ZEB2: variants seen among roughly 807,000 people sequenced by gnomAD.
The protein encoded by ZEB2 is zinc finger E-box binding homeobox 2.
A neutral mutation model predicts 99.9 loss-of-function variants in ZEB2; 6 were observed. The ratio of observed to expected loss-of-function variants is 0.06; its 90% CI spans 0.03 to 0.12. The LOEUF is 0.12. Among genes scored for constraint, ZEB2 ranks in the 10% least tolerant of loss-of-function variants. The probability of loss-of-function intolerance (pLI) is 1.00; values close to 1 mark genes in which losing one functional copy is unlikely to be tolerated. For synonymous variants in ZEB2, 517 were observed against 542.5 expected (o/e 0.95, Z 0.65); for missense variants, 969 against 1,502.8 (o/e 0.64, Z 5.87).
At chr2:144,515,321 A>G (rs1237020475) in intron 2 of ZEB2, among the ~76,000 whole-genome samples, 1 of 152,218 alleles carries the variant, frequency 6.6e-6, no homozygotes, top group Non-Finnish European at 1.5e-5. Context: ...AAAAAGCCCC[A>G]CAACAGACAT....
chr2:144,520,075 G>A lies in ZEB2; in HGVS notation c.-206C>T. 2.2e-6 allele frequency: 1 copy of A among 454,592 alleles called. No homozygotes were observed. The allele number at this position is 454,592 out of a possible 1,614,324, so 28.2% of individuals were successfully genotyped here. A position where few individuals can be genotyped will look rare whatever the true frequency, so the allele number is the denominator to read the frequency against. Reference sequence around the variant, plus strand: ...AAACTGTACAAAAACCTCGCCAAGAGTGTCGGGAGGCAGGACCGTTATTCC... The same window carrying A: ...AAACTGTACAAAAACCTCGCCAAGAATGTCGGGAGGCAGGACCGTTATTCC... On this transcript the variant is annotated 5_prime_UTR_variant, in exon 1 of 10. Transcript: ENST00000627532.
At chr2:144,497,396 G>A (rs890433725) in intron 2 of ZEB2, among the ~76,000 whole-genome samples, 6 of 152,132 alleles carry the variant, frequency 3.9e-5, no homozygotes, top group African/African-American at 1.2e-4. Context: ...CACATAGTAG[G>A]TGTGTAATTA....
chr2:144,406,774 C>T (rs949227761), intron 4 of ZEB2, among the ~76,000 whole-genome samples: 7 of 152,158 alleles, frequency 4.6e-5, no homozygotes, highest in African/African-American at 1.7e-4. Context: ...TGATTATTTG[C>T]ATTTTTAGAT....
At chr2:144,485,351 T>A (rs965451717) in intron 2 of ZEB2, among the ~76,000 whole-genome samples, 8 of 152,230 alleles carry the variant, frequency 5.3e-5, no homozygotes, top group Non-Finnish European at 1.0e-4. Context: ...ATTAGTATTA[T>A]CATTTAATTC....
At chr2:144,464,626 G>GT (rs1704246461) in intron 2 of ZEB2, among the ~76,000 whole-genome samples, 1 of 151,916 alleles carries the variant, frequency 6.6e-6, no homozygotes, top group African/African-American at 2.4e-5. Flanking sequence ...AAGCATAATT[G>GT]TTTTTTTGGC....
intron 2 of ZEB2, among the ~76,000 whole-genome samples, chr2:144,500,869 G>A (rs556085269): frequency 1.3e-5 from 2 of 152,234 alleles, no homozygotes; most frequent in South Asian, 4.2e-4. Flanking sequence ...TTTGGAAATG[G>A]AAGGATTGCT....
chr2:144,514,806 T>C (rs1023995739), intron 2 of ZEB2, among the ~76,000 whole-genome samples: 2 of 152,238 alleles, frequency 1.3e-5, no homozygotes, highest in Non-Finnish European at 2.9e-5. Context: ...TGATATTAAG[T>C]GTGCAGGATC....
chr2:144,480,721 A>G (rs1233878914), intron 2 of ZEB2, among the ~76,000 whole-genome samples: 1 of 69,156 alleles, frequency 1.4e-5, no homozygotes, highest in African/African-American at 4.6e-5. Context: ...CTCTATACTA[A>G]AAGTTAAAAA....
intron 2 of ZEB2, among the ~76,000 whole-genome samples, chr2:144,502,721 T>G (rs1704891860): frequency 6.6e-6 from 1 of 152,198 alleles, no homozygotes; most frequent in Non-Finnish European, 1.5e-5. Flanking sequence ...GTACCAAACT[T>G]AAGATTTCTT....
At chr2:144,428,758 T>G (rs1703727101) in intron 3 of ZEB2, 1 of 152,174 alleles carries the variant, frequency 6.6e-6, no homozygotes, top group African/African-American at 2.4e-5. Flanking sequence ...GTTTGATGGT[T>G]TATAGTCTGC....
chr2:144,417,906 T>G (rs180803339), intron 4 of ZEB2, among the ~76,000 whole-genome samples: 1 of 152,336 alleles, frequency 6.6e-6, no homozygotes, highest in East Asian at 1.9e-4. Context: ...GATCATTAAT[T>G]TATACATGTA....
At chr2:144,394,834 T>C (rs1444451101) in intron 9 of ZEB2, among the ~76,000 whole-genome samples, 2 of 152,172 alleles carry the variant, frequency 1.3e-5, no homozygotes, top group Non-Finnish European at 1.5e-5. Context: ...ATCAGGCTGA[T>C]GCTGGTCACT....
chr2:144,503,954 CT>C (rs1435733472), intron 2 of ZEB2: 1 of 151,756 alleles, frequency 6.6e-6, no homozygotes, highest in African/African-American at 2.4e-5. Context: ...AATGCATTAG[CT>C]TTTGAATGGA....
At chr2:144,482,310 C>A (rs1052585314) in intron 2 of ZEB2, 6 of 152,220 alleles carry the variant, frequency 3.9e-5, no homozygotes, top group Admixed American at 1.3e-4. Context: ...TCATTTTTCA[C>A]CTCCACCTAC....
At chr2:144,414,903 A>G (rs1159276648) in intron 4 of ZEB2, among the ~76,000 whole-genome samples, 15 of 152,020 alleles carry the variant, frequency 9.9e-5, no homozygotes, top group Non-Finnish European at 1.2e-4. Flanking sequence ...TACACCATAC[A>G]ATGAATATGG....
intron 2 of ZEB2, among the ~76,000 whole-genome samples, chr2:144,431,590 G>C (rs1358684474): frequency 1.3e-5 from 2 of 151,834 alleles, no homozygotes; most frequent in South Asian, 2.1e-4. Context: ...ACCAATTGAC[G>C]GGGGAAACAA....
In ZEB2 at chr2:144,451,339, A is replaced by T. The variant is rs138012897; in HGVS notation, c.74-21313T>A. Reference sequence around the variant, plus strand: ...GGTCCAGTGCAGAAAAGATTTTTCTAGTATTTCATCCACTGTTTTTTCGGT... The same window carrying T: ...GGTCCAGTGCAGAAAAGATTTTTCTTGTATTTCATCCACTGTTTTTTCGGT... On this transcript the variant is annotated intron_variant, in intron 2 of 9. Transcript: ENST00000627532. Among the ~76,000 whole-genome samples, 11 of 152,322 alleles carry T rather than the reference A, an allele frequency of 7.2e-5. No individual in the cohort carries two copies. The East Asian group carries it at 2.1e-3, about 29-fold the overall frequency.
chr2:144,480,288 C>T (rs759279597), intron 2 of ZEB2, among the ~76,000 whole-genome samples: 8 of 152,050 alleles, frequency 5.3e-5, no homozygotes, highest in Non-Finnish European at 1.2e-4. Flanking sequence ...AAATAACTGG[C>T]TCCTTTCAAA....
intron 2 of ZEB2, among the ~76,000 whole-genome samples, chr2:144,431,680 T>G (rs1030094347): frequency 4.6e-5 from 7 of 151,666 alleles, no homozygotes; most frequent in Admixed American, 3.9e-4. Flanking sequence ...AAAAGAGAGA[T>G]ATTCTAACAT....
Sources: gnomAD v4.1 joint callset for allele counts (sites outside exome capture counted in the v4.1 genomes callset) on GRCh38, gnomAD v4.1.1 for gene constraint, MANE v1.5 for transcripts, NCBI Gene and HGNC (gene_info 2026-07-23, HGNC 2026-07-21) for gene names.